Variants in HTR6 observed in about 807,000 individuals in gnomAD.
HTR6 encodes the protein 5-hydroxytryptamine (serotonin) receptor 6, G protein-coupled.
HTR6 carries 15 observed loss-of-function variants against 17.4 expected under a neutral mutation model. The ratio of observed to expected loss-of-function variants is 0.86; its 90% CI spans 0.58 to 1.33. The LOEUF is 1.33. Ranked by LOEUF, HTR6 falls within the 40% of genes most tolerant of loss-of-function variation. The probability of loss-of-function intolerance (pLI) is 0.00; values close to 1 mark genes in which losing one functional copy is unlikely to be tolerated. For missense variants in HTR6, 578 were observed against 616.0 expected (o/e 0.94, Z 0.65); for synonymous variants, 326 against 295.5 (o/e 1.10, Z -1.06).
intron 1 of HTR6, among the ~76,000 whole-genome samples, chr1:19,674,927 T>A (rs1401468660): frequency 6.6e-6 from 1 of 152,196 alleles, no homozygotes; most frequent in Non-Finnish European, 1.5e-5. Context: ...CGACAGGACA[T>A]GGCCCCAAGG....
chr1:19,667,372 G>C (rs143451955), intron 1 of HTR6, among the ~76,000 whole-genome samples: 50 of 152,192 alleles, frequency 3.3e-4, no homozygotes, highest in Non-Finnish European at 2.9e-5. Flanking sequence ...AGCTCCAGGA[G>C]GGTCACACAT....
chr1:19,666,262 G>A lies in HTR6; in HGVS notation c.509G>A (p.Gly170Asp), dbSNP rs769655924. The change falls in exon 1 of 3, where the codon GGC becomes GAC. Residue 170 changes from glycine to aspartate, a missense_variant. Physicochemically the swap from Gly to Asp is moderately conservative, Grantham distance 94. Coordinates refer to ENST00000289753, the MANE Select transcript of HTR6 (RefSeq NM_000871.3). The surrounding 1 kb of genome is among the most constrained non-coding windows in gnomAD (Gnocchi z 4.5). ...CTGCTGCTGGGCTGGCACGAGCTGG[G>A]CCACGCACGGCCACCCGTCCCTGGC... ...LPLLLGWHEL[G>D]HARPPVPGQC... 6.2e-7 allele frequency: 1 copy of A among 1,609,814 alleles called. No individual in the cohort carries two copies. Among genetic ancestry groups the A allele is most frequent in the Admixed American group, 1.7e-5 (1 of 59,972 alleles).
rs2095099215 is a variant in HTR6 at position 19,679,630 on chromosome 1, T to C, written c.*262T>C. The C allele has an allele frequency of 2.1e-6, 1 of 469,114 alleles. No individual in the cohort carries two copies. Among genetic ancestry groups the C allele is most frequent in the Non-Finnish European group, 3.7e-6 (1 of 270,972 alleles). 29.1% of individuals were successfully genotyped at this position (469,114 alleles called of 1,614,324 possible). A position where few individuals can be genotyped will look rare whatever the true frequency, so the allele number is the denominator to read the frequency against. On this transcript the variant is annotated 3_prime_UTR_variant, in exon 3 of 3. Transcript: ENST00000289753. The surrounding 1 kb of genome is among the most constrained non-coding windows in gnomAD (Gnocchi z 4.9). ...GTGTGCAGAGGATGGGCTGGAGGAC[T>C]CTGGATGTTGGGGAGAAGGACCTCT...
chr1:19,674,325 TTTGA>T (rs1233519017), intron 1 of HTR6, among the ~76,000 whole-genome samples: 2 of 152,192 alleles, frequency 1.3e-5, no homozygotes, highest in African/African-American at 4.8e-5. Flanking sequence ...GATCTTTTCA[TTTGA>T]TTGATTCATT....
intron 1 of HTR6, among the ~76,000 whole-genome samples, chr1:19,672,709 A>G (rs182755898): frequency 7.4e-4 from 112 of 152,324 alleles, no homozygotes; most frequent in Non-Finnish European, 1.4e-3. Flanking sequence ...TAGATAATAT[A>G]CATAAAATAC....
At position 19,666,974 on chromosome 1, in the gene HTR6, A is replaced by C. The variant is rs1015710857; in HGVS notation, c.714+507A>C. Among the ~76,000 whole-genome samples the C allele has an allele frequency of 1.3e-5, 2 of 151,984 alleles. No individual in the cohort carries two copies. Among genetic ancestry groups the C allele is most frequent in the East Asian group, 3.9e-4 (2 of 5,176 alleles). On this transcript the variant is annotated intron_variant, in intron 1 of 2. Transcript: ENST00000289753. This position sits in a 1 kb window ranked among gnomAD's most constrained non-coding sequence, Gnocchi z 4.5. ...TCTGCATAGAAGCTGGAGCACTTAA[A>C]AAAGAAGTGATCATGTCACTCCCCT...
At position 19,666,299 on chromosome 1, in the gene HTR6, G is replaced by A. The variant is rs1346055254; in HGVS notation, c.546G>A (p.Leu182=). Residue 182 remains leucine, a synonymous_variant, in exon 1 of 3, where the codon CTG becomes CTA. Coordinates refer to ENST00000289753, the MANE Select transcript of HTR6 (RefSeq NM_000871.3). The surrounding 1 kb of genome is among the most constrained non-coding windows in gnomAD (Gnocchi z 4.5). ...CACCCGTCCCTGGCCAGTGCCGCCTGCTGGCCAGCCTGCCTTTTGTCCTTG... is the reference window on the plus strand; with the variant it reads ...CACCCGTCCCTGGCCAGTGCCGCCTACTGGCCAGCCTGCCTTTTGTCCTTG... ...ARPPVPGQCR[L]LASLPFVLVA... is the part of the protein sequence containing the mutation. The A allele has an allele frequency of 2.5e-6, 4 of 1,612,826 alleles. No individual in the cohort carries two copies. The highest frequency in any genetic ancestry group is 1.7e-6 in the Non-Finnish European group (2 of 1,179,918).
rs202014642 is a variant in HTR6 at position 19,666,429 on chromosome 1, A to C, written c.676A>C (p.Thr226Pro). 1.9e-6 allele frequency: 3 copies of C among 1,612,582 alleles called. No individual in the cohort carries two copies. The highest frequency in any genetic ancestry group is 2.5e-6 in the Non-Finnish European group (3 of 1,179,690). The change falls in exon 1 of 3, where the codon ACC (threonine) becomes CCC (proline). Residue 226 changes from threonine to proline, a missense_variant. Thr to Pro is a conservative substitution (Grantham distance 38, BLOSUM62 -1). Coordinates refer to ENST00000289753, the MANE Select transcript of HTR6 (RefSeq NM_000871.3). This position sits in a 1 kb window ranked among gnomAD's most constrained non-coding sequence, Gnocchi z 4.5. ...RKQAVQVASL[T>P]TGMASQASET... ...GCAGGCCGTGCAGGTGGCCTCCCTCACCACCGGCATGGCCAGTCAGGCCTC... is the reference window on the plus strand; with the variant it reads ...GCAGGCCGTGCAGGTGGCCTCCCTCCCCACCGGCATGGCCAGTCAGGCCTC...
intron 1 of HTR6, among the ~76,000 whole-genome samples, chr1:19,674,375 A>C (rs940317410): frequency 4.0e-5 from 6 of 148,690 alleles, no homozygotes; most frequent in Non-Finnish European, 1.5e-5. Context: ...TGTAGTGGGA[A>C]TTCACCGTGG....
chr1:19,665,144 C>T lies in HTR6; in HGVS notation c.-610C>T, dbSNP rs1370959790. 6.6e-6 allele frequency: 1 copy of T among 151,826 alleles called. No homozygotes were observed. The highest frequency in any genetic ancestry group is 1.5e-5 in the Non-Finnish European group (1 of 67,878). 9.4% of individuals were successfully genotyped at this position (151,826 alleles called of 1,614,324 possible). A position where few individuals can be genotyped will look rare whatever the true frequency, so the allele number is the denominator to read the frequency against. On this transcript the variant is annotated 5_prime_UTR_variant, in exon 1 of 3. Transcript: ENST00000289753. The surrounding 1 kb of genome is among the most constrained non-coding windows in gnomAD (Gnocchi z 4.2). ...GGGCCTGGCGGCCCCGGCGAACCCC[C>T]GCGCCGCACAGGCCGTGTGCGCCGG...
chr1:19,665,635 G>A lies in HTR6; in HGVS notation c.-119G>A. 1 of 679,026 alleles carries A rather than the reference G, an allele frequency of 1.5e-6. No homozygotes were observed. Among genetic ancestry groups the A allele is most frequent in the South Asian group, 2.5e-5 (1 of 39,550 alleles). The allele number at this position is 679,026 out of a possible 1,614,324, so 42.1% of individuals were successfully genotyped here. ...TGTCCCCCCACTCACCTCCCCCGGG[G>A]GGCGTGGTGAGTCGCGGTCTGTTCT... On this transcript the variant is annotated 5_prime_UTR_variant, in exon 1 of 3. Coordinates refer to ENST00000289753, the MANE Select transcript of HTR6 (RefSeq NM_000871.3). This position sits in a 1 kb window ranked among gnomAD's most constrained non-coding sequence, Gnocchi z 4.2.
In HTR6 at chr1:19,666,013, C is replaced by T. The variant is rs199952267; in HGVS notation, c.260C>T (p.Ala87Val). The T allele has an allele frequency of 1.1e-5, 17 of 1,613,764 alleles. No individual in the cohort carries two copies. In the Admixed American group the frequency reaches 2.8e-4, roughly 27 times the overall value. The change falls in exon 1 of 3, where the codon GCG (alanine) becomes GTG (valine). Residue 87 changes from alanine to valine, a missense_variant. Physicochemically the swap from Ala to Val is moderately conservative, Grantham distance 64 (BLOSUM62 0). Coordinates refer to ENST00000289753, the MANE Select transcript of HTR6 (RefSeq NM_000871.3). The surrounding 1 kb of genome is among the most constrained non-coding windows in gnomAD (Gnocchi z 4.5). ...GTGATGCCGCCGGCCATGCTGAACG[C>T]GCTGTACGGGCGCTGGGTGCTGGCG... ...LVVMPPAMLNALYGRWVLARG... is the reference protein window; with the variant it reads ...LVVMPPAMLNVLYGRWVLARG...
At chr1:19,667,407 T>TG (rs1446488205) in intron 1 of HTR6, among the ~76,000 whole-genome samples, 1 of 152,144 alleles carries the variant, frequency 6.6e-6, no homozygotes, top group East Asian at 1.9e-4. Context: ...TTTTGCTTTT[T>TG]TTTTTGTTTT....
rs764734222 is a variant in HTR6, at chr1:19,665,760, C to T, written c.7C>T (p.Pro3Ser). The T allele has an allele frequency of 8.7e-6, 13 of 1,492,202 alleles. No homozygotes were observed. Among genetic ancestry groups the T allele is most frequent in the Non-Finnish European group, 1.2e-5 (13 of 1,128,636 alleles). 92.4% of individuals were successfully genotyped at this position (1,492,202 alleles called of 1,614,324 possible). MV[P>S]EPGPTANSTP... The stretch of plus-strand genomic sequence containing the variant: ...CCGTCCACCCTCGGTCCTCATGGTC[C>T]CAGAGCCGGGCCCAACCGCCAATAG... Residue 3 changes from proline (P) to serine (S), a missense_variant, in exon 1 of 3, where the codon CCA (proline) becomes TCA (serine). Coordinates refer to ENST00000289753, the MANE Select transcript of HTR6 (RefSeq NM_000871.3). The surrounding 1 kb of genome is among the most constrained non-coding windows in gnomAD (Gnocchi z 4.2).
intron 1 of HTR6, among the ~76,000 whole-genome samples, chr1:19,677,791 G>A (rs1466064008): frequency 2.0e-5 from 3 of 152,200 alleles, no homozygotes; most frequent in Non-Finnish European, 2.9e-5. Flanking sequence ...CAGGCTTGGA[G>A]TGCAGTGATG....
chr1:19,666,235 C>G lies in HTR6; in HGVS notation c.482C>G (p.Pro161Arg), dbSNP rs1254538586. 1.2e-6 allele frequency: 2 copies of G among 1,609,080 alleles called. No individual in the cohort carries two copies. The highest frequency in any genetic ancestry group is 1.7e-5 in the Admixed American group (1 of 59,944). ...CTCGCCGCTCTCGCCTCCTTCCTGC[C>G]CCTGCTGCTGGGCTGGCACGAGCTG... ...WSLAALASFL[P>R]LLLGWHELGH... is the part of the protein sequence containing the mutation. The change falls in exon 1 of 3, where the codon CCC (proline) becomes CGC (arginine). Residue 161 changes from proline to arginine, a missense_variant. Transcript: ENST00000289753. This position sits in a 1 kb window ranked among gnomAD's most constrained non-coding sequence, Gnocchi z 4.5.
Position 19,679,491 on chromosome 1 carries a change from AG to A in HTR6, c.*127del, listed in dbSNP as rs878857941. 2 of 1,377,924 alleles carry A rather than the reference AG, an allele frequency of 1.5e-6. No individual in the cohort carries two copies. Among genetic ancestry groups the A allele is most frequent in the South Asian group, 3.1e-5 (2 of 65,304 alleles). The allele number at this position is 1,377,924 out of a possible 1,614,324, so 85.4% of individuals were successfully genotyped here. On this transcript the variant is annotated 3_prime_UTR_variant, in exon 3 of 3. Transcript: ENST00000289753. The surrounding 1 kb of genome is among the most constrained non-coding windows in gnomAD (Gnocchi z 4.9). ...CTCCTAGAAGCCCTCTGAGCTCCAG[AG>A]GGGTGCGCAGAGCTGACCCCCTGCT...
chr1:19,676,433 TA>T (rs1408725651), intron 1 of HTR6, among the ~76,000 whole-genome samples: 2 of 152,146 alleles, frequency 1.3e-5, no homozygotes, highest in Admixed American at 1.3e-4. Context: ...TGAATTTGTA[TA>T]ACCTTGATAT....
Position 19,666,151 on chromosome 1 carries a change from G to T in HTR6, c.398G>T (p.Arg133Leu). 1 of 1,611,634 alleles carries T rather than the reference G, an allele frequency of 6.2e-7. No individual in the cohort carries two copies. The highest frequency in any genetic ancestry group is 2.2e-5 in the East Asian group (1 of 44,878). ...DRYLLILSPL[R>L]YKLRMTPLRA... ...TACCTGCTCATCCTCTCGCCGCTGCGCTACAAGCTGCGCATGACGCCCCTG... is the reference window on the plus strand; with the variant it reads ...TACCTGCTCATCCTCTCGCCGCTGCTCTACAAGCTGCGCATGACGCCCCTG... The change falls in exon 1 of 3, where the codon CGC (arginine) becomes CTC (leucine). Residue 133 changes from arginine to leucine, a missense_variant. By Grantham distance (102) the Arg-to-Leu change is moderately radical. Coordinates refer to ENST00000289753, the MANE Select transcript of HTR6 (RefSeq NM_000871.3). This position sits in a 1 kb window ranked among gnomAD's most constrained non-coding sequence, Gnocchi z 4.5.
Sources: gnomAD v4.1 joint callset for allele counts (sites outside exome capture counted in the v4.1 genomes callset) on GRCh38, gnomAD v4.1.1 for gene constraint, Gnocchi (gnomAD v3.1) non-coding constraint, MANE v1.5 for transcripts, NCBI Gene and HGNC (gene_info 2026-07-23, HGNC 2026-07-21) for gene names.